MAD1L1: variants seen among roughly 807,000 people sequenced by gnomAD.
The protein encoded by MAD1L1 is mitotic arrest deficient 1 like 1.
A neutral mutation model predicts 96.9 loss-of-function variants in MAD1L1; 95 were observed. The ratio of observed to expected loss-of-function variants is 0.98; its 90% CI spans 0.83 to 1.16. The LOEUF is 1.16. MAD1L1 is among the 50% of genes most tolerant of loss of function. MAD1L1 has a pLI of 0.00. For synonymous variants in MAD1L1, 473 were observed against 396.6 expected, an observed-to-expected ratio of 1.19 and a Z score of -2.29; for missense variants, 1,007 against 954.4, an observed-to-expected ratio of 1.06 and a Z score of -0.73.
rs1244380980 is a variant in MAD1L1 at position 2,146,706 on chromosome 7, C to A, written c.1073+2446G>T. Among the ~76,000 whole-genome samples the A allele has an allele frequency of 6.6e-6, 1 of 152,186 alleles. No homozygotes were observed. Among genetic ancestry groups the A allele is most frequent in the Non-Finnish European group, 1.5e-5 (1 of 68,030 alleles). ...TAAAATGAGGCCCGCCTGGCAAAGCCCTCGGGGATCTGGGCCACCGTGGCC... is the reference window on the plus strand; with the variant it reads ...TAAAATGAGGCCCGCCTGGCAAAGCACTCGGGGATCTGGGCCACCGTGGCC... On this transcript the variant is annotated intron_variant, in intron 11 of 18. Coordinates refer to ENST00000265854, the MANE Select transcript of MAD1L1 (RefSeq NM_001013836.2). The surrounding 1 kb of genome is among the most constrained non-coding windows in gnomAD (Gnocchi z 6.2).
At chr7:2,107,207 G>A (rs1787145476) in intron 11 of MAD1L1, among the ~76,000 whole-genome samples, 3 of 152,222 alleles carry the variant, frequency 2.0e-5, no homozygotes, top group African/African-American at 7.2e-5. Context: ...AGCCAGGAGT[G>A]TGTGGGGCGG....
chr7:2,081,652 T>C (rs757774518), intron 11 of MAD1L1, among the ~76,000 whole-genome samples: 17 of 152,240 alleles, frequency 1.1e-4, no homozygotes, highest in Non-Finnish European at 2.1e-4. Context: ...TCTTCCGGGC[T>C]CTGTCCTCCA....
chr7:1,935,864 G>A (rs1162942735), intron 17 of MAD1L1, among the ~76,000 whole-genome samples: 1 of 152,262 alleles, frequency 6.6e-6, no homozygotes, highest in African/African-American at 2.4e-5. Context: ...TGGCAGCCGG[G>A]TGGCTCTAAC....
intron 12 of MAD1L1, among the ~76,000 whole-genome samples, chr7:2,016,287 C>T (rs1311096842): frequency 2.6e-5 from 4 of 152,192 alleles, no homozygotes; most frequent in African/African-American, 7.2e-5. Context: ...TTGTGGCCAG[C>T]GTGCTCCCCA....
chr7:2,131,781 C>G (rs1190759081), intron 11 of MAD1L1, among the ~76,000 whole-genome samples: 1 of 152,218 alleles, frequency 6.6e-6, no homozygotes, highest in Non-Finnish European at 1.5e-5. Context: ...CGAGCTGGCT[C>G]AGGCTGGGAA....
chr7:2,191,892 G>A (rs112789199), intron 10 of MAD1L1, among the ~76,000 whole-genome samples: 6,052 of 152,006 alleles, frequency 0.04, 411 homozygotes, highest in African/African-American at 0.14. Flanking sequence ...CTAGCCGGGC[G>A]CAGTGGCAGG....
chr7:2,205,107 T>G (rs1246165389), intron 10 of MAD1L1, among the ~76,000 whole-genome samples: 1 of 96,694 alleles, frequency 1.0e-5, no homozygotes, highest in South Asian at 3.6e-4. Context: ...TTTTTTTTTT[T>G]GCTTATTCTA....
chr7:2,086,070 C>T (rs928439119), intron 11 of MAD1L1, among the ~76,000 whole-genome samples: 1 of 152,218 alleles, frequency 6.6e-6, no homozygotes, highest in African/African-American at 2.4e-5. Context: ...GAGGACTCCA[C>T]GCTGCGGGGG....
In MAD1L1 at chr7:2,088,148, G is replaced by A. The variant is rs1312398406; in HGVS notation, c.1074-18810C>T. On this transcript the variant is annotated intron_variant, in intron 11 of 18. Coordinates refer to ENST00000265854, the MANE Select transcript of MAD1L1 (RefSeq NM_001013836.2). This position sits in a 1 kb window ranked among gnomAD's most constrained non-coding sequence, Gnocchi z 4.4. ...GCACAGGCTGAGTGGAAATATGGGG[G>A]CCCACGTGCATGGCCACAGAACAGT... is the stretch of plus-strand genomic sequence containing the variant. 6.6e-6 allele frequency among the ~76,000 whole-genome samples: 1 copy of A among 152,156 alleles called. No individual in the cohort carries two copies. Among genetic ancestry groups the A allele is most frequent in the Non-Finnish European group, 1.5e-5 (1 of 68,018 alleles).
chr7:1,964,665 C>T (rs1780085809), intron 15 of MAD1L1, among the ~76,000 whole-genome samples: 1 of 152,190 alleles, frequency 6.6e-6, no homozygotes, highest in Non-Finnish European at 1.5e-5. Flanking sequence ...AAATTAGCTG[C>T]CAGCCTAGAT....
At position 1,817,976 on chromosome 7, in the gene MAD1L1, G is replaced by GTGCCCTCCCCC. The variant is rs138811981; in HGVS notation, c.1999-1759_1999-1749dup. ...CTCCTGTTTCTCAGGAGCCGTCCCC[G>GTGCCCTCCCCC]TGCCCTCCCCCTGCCCTCCCCCTGT... On this transcript the variant is annotated intron_variant, in intron 18 of 18. Transcript: ENST00000265854. Among the ~76,000 whole-genome samples, 22 of 151,622 alleles carry GTGCCCTCCCCC rather than the reference G, an allele frequency of 1.5e-4. No individual in the cohort carries two copies. The East Asian group carries it at 2.5e-3, about 17-fold the overall frequency.
At chr7:2,005,243 G>C (rs1274962581) in intron 13 of MAD1L1, among the ~76,000 whole-genome samples, 2 of 152,154 alleles carry the variant, frequency 1.3e-5, no homozygotes, top group Non-Finnish European at 2.9e-5. Context: ...CAGACAGTGA[G>C]AGCCACCTTT....
intron 10 of MAD1L1, among the ~76,000 whole-genome samples, chr7:2,163,042 C>CT (rs1184076707): frequency 4.6e-5 from 7 of 152,204 alleles, no homozygotes; most frequent in African/African-American, 1.7e-4. Flanking sequence ...TCCTTTGGGA[C>CT]TTTCCAAAGC....
At chr7:1,876,223 G>A (rs925110700) in intron 18 of MAD1L1, among the ~76,000 whole-genome samples, 8 of 152,262 alleles carry the variant, frequency 5.3e-5, no homozygotes, top group African/African-American at 1.7e-4. Context: ...CCCCACCTAG[G>A]AAGCAAGGTC....
intron 5 of MAD1L1, 116 bp from the exon 6 acceptor site, chr7:2,219,572 G>A: frequency 8.9e-7 from 1 of 1,127,354 alleles, no homozygotes. Flanking sequence ...CTATAATCAG[G>A]GCAGGAGGCA....
intron 18 of MAD1L1, among the ~76,000 whole-genome samples, chr7:1,836,721 A>C (rs1216170303): frequency 6.6e-6 from 1 of 152,250 alleles, no homozygotes; most frequent in Non-Finnish European, 1.5e-5. Context: ...TTCAGTAAAA[A>C]AGAATGATCT....
At chr7:1,865,411 G>A (rs1029275742) in intron 18 of MAD1L1, among the ~76,000 whole-genome samples, 2 of 152,232 alleles carry the variant, frequency 1.3e-5, no homozygotes, top group African/African-American at 4.8e-5. Flanking sequence ...CTGCTGCCCG[G>A]CTGTAGCCCT....
chr7:2,228,866 G>C (rs986030963), intron 3 of MAD1L1, among the ~76,000 whole-genome samples: 1 of 151,832 alleles, frequency 6.6e-6, no homozygotes, highest in African/African-American at 2.4e-5. Context: ...CCAGCCTCCC[G>C]AGTAGCTGGG....
intron 18 of MAD1L1, among the ~76,000 whole-genome samples, chr7:1,892,666 C>T (rs1786621822): frequency 6.6e-6 from 1 of 152,138 alleles, no homozygotes; most frequent in Admixed American, 6.6e-5. Flanking sequence ...ACCTTTCCCC[C>T]TCATCCATAT....
Sources: allele counts gnomAD v4.1 joint callset (sites outside exome capture counted in the v4.1 genomes callset), GRCh38; gene constraint gnomAD v4.1.1; non-coding constraint Gnocchi (gnomAD v3.1); transcripts MANE v1.5; gene names NCBI Gene and HGNC (gene_info 2026-07-23, HGNC 2026-07-21).